CDH4: variants seen among roughly 807,000 people sequenced by gnomAD.
The protein encoded by CDH4 is cadherin-4.
In CDH4, 33 loss-of-function variants were observed where a neutral mutation model predicts 86.0. The ratio of observed to expected loss-of-function variants is 0.38; its 90% CI spans 0.29 to 0.51. The LOEUF is 0.51. Among genes scored for constraint, CDH4 ranks in the 20% least tolerant of loss-of-function variants. CDH4 has a pLI of 0.86. For missense variants in CDH4, 1,114 were observed against 1,307.4 expected, an observed-to-expected ratio of 0.85 and a Z score of 2.28; for synonymous variants, 555 against 549.4, an observed-to-expected ratio of 1.01 and a Z score of -0.14.
chr20:61,380,796 G>A (rs1207564826), intron 2 of CDH4, among the ~76,000 whole-genome samples: 6 of 152,088 alleles, frequency 3.9e-5, no homozygotes, highest in African/African-American at 1.2e-4. Flanking sequence ...TTGCAGCTTC[G>A]GCAAATGAAA....
At chr20:61,728,254 G>C (rs2088138366) in intron 2 of CDH4, among the ~76,000 whole-genome samples, 1 of 152,214 alleles carries the variant, frequency 6.6e-6, no homozygotes, top group African/African-American at 2.4e-5. Context: ...CTGTTTATGA[G>C]TAGACATCTG....
chr20:61,755,936 C>T (rs1163240617), intron 3 of CDH4, among the ~76,000 whole-genome samples: 1 of 152,246 alleles, frequency 6.6e-6, no homozygotes, highest in East Asian at 1.9e-4. Flanking sequence ...AAGGACCCAG[C>T]ACTTCACAGG....
chr20:61,730,940 G>A (rs1243417863), intron 2 of CDH4, among the ~76,000 whole-genome samples: 2 of 146,222 alleles, frequency 1.4e-5, no homozygotes, highest in African/African-American at 2.5e-5. Context: ...GTATCCAGGG[G>A]CTCCGGCTCC....
chr20:61,824,653 A>G (rs776846002), intron 4 of CDH4, among the ~76,000 whole-genome samples: 9 of 152,252 alleles, frequency 5.9e-5, no homozygotes, highest in Non-Finnish European at 8.8e-5. Context: ...CTTGATAAGA[A>G]ATAGTAAGCC....
chr20:61,503,675 C>A (rs1227271549), intron 2 of CDH4, among the ~76,000 whole-genome samples: 1 of 152,150 alleles, frequency 6.6e-6, no homozygotes, highest in Non-Finnish European at 1.5e-5. Flanking sequence ...GTAATTGACT[C>A]CAACATAGAA....
intron 4 of CDH4, among the ~76,000 whole-genome samples, chr20:61,805,856 A>C (rs982358027): frequency 1.3e-5 from 2 of 152,342 alleles, no homozygotes; most frequent in Admixed American, 1.3e-4. Context: ...TAATTTAGAA[A>C]GAGCCAAAAT....
intron 2 of CDH4, among the ~76,000 whole-genome samples, chr20:61,459,662 G>C (rs1048798981): frequency 6.6e-6 from 1 of 151,236 alleles, no homozygotes; most frequent in Non-Finnish European, 1.5e-5. Context: ...GCTGACCTGT[G>C]GTCCAGGGAC....
intron 2 of CDH4, among the ~76,000 whole-genome samples, chr20:61,464,014 T>G (rs1237106435): frequency 2.6e-5 from 4 of 152,234 alleles, no homozygotes; most frequent in Admixed American, 2.6e-4. Flanking sequence ...TCCTGGCTAA[T>G]GACCCTCTCC....
chr20:61,925,519 G>A (rs1005047078), intron 11 of CDH4, among the ~76,000 whole-genome samples: 5 of 152,216 alleles, frequency 3.3e-5, no homozygotes, highest in African/African-American at 1.2e-4. Context: ...CCTGTTTGCT[G>A]CGGCCGTGAT....
chr20:61,421,334 A>G (rs940844661), intron 2 of CDH4, among the ~76,000 whole-genome samples: 1 of 152,188 alleles, frequency 6.6e-6, no homozygotes, highest in Non-Finnish European at 1.5e-5. Flanking sequence ...ACAGGAGGAG[A>G]TGTCATAATC....
At chr20:61,751,253 C>A (rs1177550889) in intron 3 of CDH4, among the ~76,000 whole-genome samples, 3 of 152,170 alleles carry the variant, frequency 2.0e-5, no homozygotes, top group Admixed American at 1.3e-4. Flanking sequence ...CTGGCCTCTA[C>A]CCACTAAACG....
intron 2 of CDH4, among the ~76,000 whole-genome samples, chr20:61,671,924 AGGATGGATGGATGATAGATGGT>A (rs1276134475): frequency 4.0e-5 from 6 of 150,882 alleles, no homozygotes; most frequent in Admixed American, 3.3e-4. Flanking sequence ...AGGTGGATGC[AGGATGGATGGATGATAGATGGT>A]GGATGGATGT....
In CDH4 at chr20:61,544,962, T is replaced by G. The variant is rs1247890268; in HGVS notation, c.170-198601T>G. On this transcript the variant is annotated intron_variant, in intron 2 of 15. Coordinates refer to ENST00000614565, the MANE Select transcript of CDH4 (RefSeq NM_001794.5). The surrounding 1 kb of genome is among the most constrained non-coding windows in gnomAD (Gnocchi z 6.5). Reference sequence around the variant, plus strand: ...TAGATATCCAGGTAGACAAGTAGGGTGACTAGCAAATGACCCTTGAGCAGC... The same window carrying G: ...TAGATATCCAGGTAGACAAGTAGGGGGACTAGCAAATGACCCTTGAGCAGC... Among the ~76,000 whole-genome samples, 1 of 152,048 alleles carries G rather than the reference T, an allele frequency of 6.6e-6. No homozygotes were observed. Among genetic ancestry groups the G allele is most frequent in the African/African-American group, 2.4e-5 (1 of 41,404 alleles).
intron 2 of CDH4, among the ~76,000 whole-genome samples, chr20:61,723,450 C>T (rs117641743): frequency 0.017 from 2,546 of 152,262 alleles, 25 homozygotes; most frequent in Non-Finnish European, 0.027. Context: ...CCTGCAGCCT[C>T]CTCCGGGCTT....
intron 2 of CDH4, among the ~76,000 whole-genome samples, chr20:61,563,303 G>C (rs1046090757): frequency 6.6e-6 from 1 of 152,216 alleles, no homozygotes; most frequent in Non-Finnish European, 1.5e-5. Flanking sequence ...TTAGCAATCA[G>C]CTTCCGTTTC....
chr20:61,337,529 G>T (rs74177958), intron 2 of CDH4, among the ~76,000 whole-genome samples: 152,080 of 152,084 alleles, frequency 1, 76,038 homozygotes, highest in Middle Eastern at 1. Context: ...GGGAAGATGA[G>T]GGAAAGCATG....
intron 4 of CDH4, among the ~76,000 whole-genome samples, chr20:61,843,420 G>A (rs983753617): frequency 2.9e-5 from 4 of 138,290 alleles, no homozygotes; most frequent in South Asian, 4.6e-4. Flanking sequence ...ACTGCAGTCC[G>A]CAGTCCGGCC....
intron 2 of CDH4, among the ~76,000 whole-genome samples, chr20:61,358,488 G>T (rs564940301): frequency 6.6e-6 from 1 of 152,292 alleles, no homozygotes; most frequent in Admixed American, 6.5e-5. Flanking sequence ...AATGAAAGCT[G>T]AATAAACTAT....
intron 3 of CDH4, among the ~76,000 whole-genome samples, chr20:61,759,482 C>A (rs1006286396): frequency 6.6e-6 from 1 of 152,162 alleles, no homozygotes; most frequent in East Asian, 1.9e-4. Context: ...GGCGCCAGGG[C>A]TCTGGATGGA....
Sources: allele counts gnomAD v4.1 joint callset (sites outside exome capture counted in the v4.1 genomes callset), GRCh38; gene constraint gnomAD v4.1.1; non-coding constraint Gnocchi (gnomAD v3.1); transcripts MANE v1.5; gene names NCBI Gene and HGNC (gene_info 2026-07-23, HGNC 2026-07-21).